SDK1: variants seen among roughly 807,000 people sequenced by gnomAD.
SDK1 encodes the protein protein sidekick-1.
Under a neutral mutation model 245.5 loss-of-function variants are expected in SDK1, and 157 were observed. That is an observed-to-expected ratio of 0.64 (90% CI 0.56 to 0.73). SDK1 has a LOEUF of 0.73. Among genes scored for constraint, SDK1 ranks in the 30% least tolerant of loss-of-function variants. SDK1 has a pLI of 0.00. For missense variants in SDK1, 3,583 were observed against 3,002.3 expected (o/e 1.19, Z -4.52); for synonymous variants, 1,647 against 1,278.5 (o/e 1.29, Z -6.15).
chr7:3,377,367 T>A (rs2128565746), intron 1 of SDK1, among the ~76,000 whole-genome samples: 1 of 152,242 alleles, frequency 6.6e-6, no homozygotes, highest in Middle Eastern at 3.4e-3. Flanking sequence ...TCTCTGTAGT[T>A]GTGTGGACAT....
chr7:3,569,792 T>C (rs1780050231), intron 1 of SDK1, among the ~76,000 whole-genome samples: 1 of 152,230 alleles, frequency 6.6e-6, no homozygotes, highest in Non-Finnish European at 1.5e-5. Flanking sequence ...GCTTGGCTTT[T>C]GTTAACTTTC....
intron 9 of SDK1, among the ~76,000 whole-genome samples, chr7:3,964,688 T>C (rs376475440): frequency 6.6e-6 from 1 of 152,198 alleles, no homozygotes; most frequent in African/African-American, 2.4e-5. Context: ...TATGGAATTA[T>C]ACCTTTTGTG....
intron 38 of SDK1, among the ~76,000 whole-genome samples, chr7:4,217,452 CGG>C (rs1784883480): frequency 1.1e-4 from 12 of 112,440 alleles, no homozygotes; most frequent in South Asian, 3.4e-4. Context: ...CCACACCACC[CGG>C]AGCACCACAC....
intron 35 of SDK1, among the ~76,000 whole-genome samples, chr7:4,203,428 C>T (rs1387762678): frequency 6.6e-6 from 1 of 152,172 alleles, no homozygotes; most frequent in African/African-American, 2.4e-5. Flanking sequence ...CCCAGCTTTG[C>T]ACCTTTCCCT....
chr7:3,445,909 C>T (rs1780328454), intron 1 of SDK1, among the ~76,000 whole-genome samples: 1 of 151,664 alleles, frequency 6.6e-6, no homozygotes, highest in African/African-American at 2.4e-5. Flanking sequence ...TTTTTTTCAA[C>T]TTTCTTTACA....
intron 1 of SDK1, among the ~76,000 whole-genome samples, chr7:3,487,336 A>G (rs984636949): frequency 3.9e-5 from 6 of 152,176 alleles, no homozygotes; most frequent in African/African-American, 1.2e-4. Flanking sequence ...TTGAATCACT[A>G]TGGAAAATCC....
chr7:3,420,295 G>T (rs571093327), intron 1 of SDK1, among the ~76,000 whole-genome samples: 2 of 152,328 alleles, frequency 1.3e-5, no homozygotes, highest in East Asian at 3.9e-4. Context: ...ATTTTAAAAG[G>T]TTAGATGCAA....
At chr7:3,885,225 C>T (rs1355445079) in intron 5 of SDK1, among the ~76,000 whole-genome samples, 3 of 152,236 alleles carry the variant, frequency 2.0e-5, no homozygotes, top group South Asian at 4.2e-4. Context: ...TGGTTTTGAG[C>T]GAGTGCTATA....
chr7:3,314,862 G>A lies in SDK1; in HGVS notation c.298+12978G>A, dbSNP rs1315341303. Among the ~76,000 whole-genome samples the A allele has an allele frequency of 7.2e-5, 11 of 152,008 alleles. No homozygotes were observed. In the East Asian group the frequency reaches 1.4e-3, roughly 19 times the overall value. ...AATTGCTCTTTCTTGGGTGAATAAC[G>A]TGAATTTCATCATACATCCTATTGG... is the stretch of plus-strand genomic sequence containing the variant. On this transcript the variant is annotated intron_variant, in intron 1 of 44. Coordinates refer to ENST00000404826, the MANE Select transcript of SDK1 (RefSeq NM_152744.4).
At chr7:3,720,271 A>C (rs755333369) in intron 4 of SDK1, among the ~76,000 whole-genome samples, 10 of 152,156 alleles carry the variant, frequency 6.6e-5, no homozygotes, top group African/African-American at 1.2e-4. Context: ...ACAACAACAA[A>C]AAAAGTATAA....
At chr7:3,774,201 C>T (rs561288811) in intron 4 of SDK1, among the ~76,000 whole-genome samples, 119 of 135,610 alleles carry the variant, frequency 8.8e-4, no homozygotes, top group Middle Eastern at 0.01. Context: ...GGCGACAGAG[C>T]GAGACTCCAT....
intron 5 of SDK1, among the ~76,000 whole-genome samples, chr7:3,923,921 G>A (rs1779680374): frequency 6.6e-6 from 1 of 152,132 alleles, no homozygotes; most frequent in Non-Finnish European, 1.5e-5. Flanking sequence ...CTCTCCCTTA[G>A]ACAGGGCTTG....
At chr7:3,545,660 C>T (rs544627216) in intron 1 of SDK1, among the ~76,000 whole-genome samples, 213 of 152,308 alleles carry the variant, frequency 1.4e-3, no homozygotes, top group Non-Finnish European at 2.6e-3. Flanking sequence ...GCCCATGTGC[C>T]TGCCATCCTC....
chr7:3,821,934 T>A (rs191669991), intron 5 of SDK1, among the ~76,000 whole-genome samples: 32 of 152,324 alleles, frequency 2.1e-4, no homozygotes, highest in Non-Finnish European at 4.3e-4. Context: ...AGGACTAGAT[T>A]AGATATACAT....
At chr7:3,852,410 C>T (rs1780440068) in intron 5 of SDK1, among the ~76,000 whole-genome samples, 2 of 151,150 alleles carry the variant, frequency 1.3e-5, no homozygotes, top group South Asian at 2.1e-4. Flanking sequence ...ACGAGTCTTG[C>T]AAAAAATGAG....
At chr7:3,851,349 TATTTA>T (rs1045370626) in intron 5 of SDK1, among the ~76,000 whole-genome samples, 14 of 152,228 alleles carry the variant, frequency 9.2e-5, no homozygotes, top group African/African-American at 3.4e-4. Flanking sequence ...TAGAAACTAA[TATTTA>T]ATTTCCTTTT....
At position 3,462,335 on chromosome 7, in the gene SDK1, C is replaced by A. The variant is rs139654771; in HGVS notation, c.299-156745C>A. 9.9e-4 allele frequency among the ~76,000 whole-genome samples: 151 copies of A among 152,252 alleles called. 2 individuals carry two copies. The East Asian group carries it at 0.025, about 25-fold the overall frequency. ...CTCTCAATATCTTTCTCTCTTCCCC[C>A]CTGCCCCGCCGAGGTTGAGTATCAT... On this transcript the variant is annotated intron_variant, in intron 1 of 44. Transcript: ENST00000404826.
chr7:3,878,607 A>T (rs1367829408), intron 5 of SDK1, among the ~76,000 whole-genome samples: 1 of 152,314 alleles, frequency 6.6e-6, no homozygotes, highest in South Asian at 2.1e-4. Context: ...TTAACACTGT[A>T]TTTATCGGAA....
intron 41 of SDK1, among the ~76,000 whole-genome samples, chr7:4,234,528 A>AG (rs1786021499): frequency 6.6e-6 from 1 of 152,116 alleles, no homozygotes; most frequent in South Asian, 2.1e-4. Context: ...AAGGTGGCGG[A>AG]GAAAAAGTCC....
Sources: allele counts gnomAD v4.1 joint callset (sites outside exome capture counted in the v4.1 genomes callset), GRCh38; gene constraint gnomAD v4.1.1; transcripts MANE v1.5; gene names NCBI Gene and HGNC (gene_info 2026-07-23, HGNC 2026-07-21).